PLCB4: variants seen among roughly 807,000 people sequenced by gnomAD.
PLCB4 encodes the protein phospholipase C beta 4.
PLCB4 carries 77 observed loss-of-function variants against 178.8 expected under a neutral mutation model. That is an observed-to-expected ratio of 0.43 (90% CI 0.36 to 0.52). The LOEUF (loss-of-function observed/expected upper bound fraction) is 0.52. Ranked by LOEUF, PLCB4 falls within the 20% of genes least tolerant of loss-of-function variation. The pLI is 0.00. For synonymous variants in PLCB4, 496 were observed against 490.8 expected (o/e 1.01, Z -0.14); for missense variants, 1,024 against 1,453.4 (o/e 0.70, Z 4.80).
intron 2 of PLCB4, among the ~76,000 whole-genome samples, chr20:9,129,818 C>T (rs2092227298): frequency 6.6e-6 from 1 of 152,100 alleles, no homozygotes; most frequent in Non-Finnish European, 1.5e-5. Flanking sequence ...CTTATTCTCC[C>T]AATTTAATTA....
intron 3 of PLCB4, among the ~76,000 whole-genome samples, chr20:9,223,331 T>C (rs368482554): frequency 5.9e-5 from 9 of 152,186 alleles, no homozygotes; most frequent in Non-Finnish European, 1.3e-4. Flanking sequence ...ATATAGTATA[T>C]ACGTTGGGAC....
chr20:9,138,428 T>C (rs558813661), intron 2 of PLCB4, among the ~76,000 whole-genome samples: 5 of 152,208 alleles, frequency 3.3e-5, no homozygotes, highest in African/African-American at 1.2e-4. Flanking sequence ...TTGCTAGATA[T>C]CATATAGCAC....
chr20:9,251,912 C>T (rs975585857), intron 3 of PLCB4, among the ~76,000 whole-genome samples: 4 of 151,804 alleles, frequency 2.6e-5, no homozygotes, highest in African/African-American at 9.7e-5. Context: ...TTATCATTTC[C>T]ACATGTACCC....
At chr20:9,200,284 G>A (rs62194769) in intron 2 of PLCB4, among the ~76,000 whole-genome samples, 3,118 of 152,156 alleles carry the variant, frequency 0.02, 44 homozygotes, top group Non-Finnish European at 0.033. Context: ...TTTCTTACAC[G>A]TCTGAATGCA....
chr20:9,105,491 G>A (rs2091328060), intron 2 of PLCB4, among the ~76,000 whole-genome samples: 1 of 152,002 alleles, frequency 6.6e-6, no homozygotes, highest in African/African-American at 2.4e-5. Context: ...AAGTGCATCT[G>A]GAAGTATGAA....
Position 9,479,335 on chromosome 20 carries a change from T to A in PLCB4, c.*326T>A. The A allele has an allele frequency of 3.8e-6, 1 of 265,212 alleles. No homozygotes were observed. The allele number at this position is 265,212 out of a possible 1,614,324, so 16.4% of individuals were successfully genotyped here. A position where few individuals can be genotyped will look rare whatever the true frequency, so the allele number is the denominator to read the frequency against. ...GTGAACAACTCTCCTTTGTGATGCCTTAGGACATGTTTGAACTGCAGCAAA... is the reference window on the plus strand; with the variant it reads ...GTGAACAACTCTCCTTTGTGATGCCATAGGACATGTTTGAACTGCAGCAAA... On this transcript the variant is annotated 3_prime_UTR_variant, in exon 40 of 40. Transcript: ENST00000378473.
chr20:9,443,921 A>T (rs1469081022), intron 30 of PLCB4, 60 bp from the exon 31 acceptor site: 2 of 925,394 alleles, frequency 2.2e-6, no homozygotes, highest in Non-Finnish European at 3.5e-6. Flanking sequence ...GTTCTATATT[A>T]CCAGTTATTC....
At chr20:9,095,825 C>T (rs1368072837) in intron 1 of PLCB4, among the ~76,000 whole-genome samples, 1 of 152,134 alleles carries the variant, frequency 6.6e-6, no homozygotes, top group Non-Finnish European at 1.5e-5. Context: ...GGTAGCAGCT[C>T]ATAGTTCTCT....
chr20:9,293,628 T>TTCATTCAC, intron 3 of PLCB4, among the ~76,000 whole-genome samples: 1 of 141,202 alleles, frequency 7.1e-6, no homozygotes, highest in South Asian at 2.1e-4. Flanking sequence ...AAAATATTCA[T>TTCATTCAC]TCATTCATTC....
intron 2 of PLCB4, among the ~76,000 whole-genome samples, chr20:9,121,710 C>T (rs2091967522): frequency 6.6e-6 from 1 of 152,122 alleles, no homozygotes; most frequent in Non-Finnish European, 1.5e-5. Context: ...GAACTGTATT[C>T]ATTTCATTCA....
chr20:9,399,417 T>C (rs937413342), intron 19 of PLCB4, among the ~76,000 whole-genome samples: 2 of 152,238 alleles, frequency 1.3e-5, no homozygotes, highest in African/African-American at 4.8e-5. Flanking sequence ...ATGAATCTAC[T>C]ATCTATGTGT....
chr20:9,391,400 G>A (rs2038130315), intron 17 of PLCB4, among the ~76,000 whole-genome samples: 2 of 152,144 alleles, frequency 1.3e-5, no homozygotes, highest in Admixed American at 1.3e-4. Flanking sequence ...AATCAAAGTG[G>A]AAAGACCTGC....
Position 9,457,502 on chromosome 20 carries a change from C to T in PLCB4, c.3072+13C>T, listed in dbSNP as rs2043128704. 1.6e-6 allele frequency: 2 copies of T among 1,258,966 alleles called. No homozygotes were observed. Among genetic ancestry groups the T allele is most frequent in the East Asian group, 2.3e-5 (1 of 43,264 alleles). 78.0% of individuals were successfully genotyped at this position (1,258,966 alleles called of 1,614,324 possible). On this transcript the variant is annotated intron_variant, in intron 34 of 39. Transcript: ENST00000378473. ...TCACAAATCTAAGGTAAGAAAATGC[C>T]CATTTTTACAGCAGTGACTTGCAGA...
intron 28 of PLCB4, among the ~76,000 whole-genome samples, chr20:9,428,272 GTTGCAT>G (rs1229199260): frequency 3.9e-5 from 6 of 152,176 alleles, no homozygotes; most frequent in Non-Finnish European, 8.8e-5. Context: ...GAAAAACCCA[GTTGCAT>G]ATTCACAGTG....
chr20:9,336,357 A>T (rs571841650), intron 4 of PLCB4, among the ~76,000 whole-genome samples: 10 of 152,336 alleles, frequency 6.6e-5, no homozygotes, highest in African/African-American at 2.4e-4. Context: ...CAAGTGTAAC[A>T]CAGATGCTCT....
At chr20:9,345,547 A>G (rs2033713619) in intron 7 of PLCB4, among the ~76,000 whole-genome samples, 1 of 152,246 alleles carries the variant, frequency 6.6e-6, no homozygotes, top group African/African-American at 2.4e-5. Context: ...TGCAGGCCTC[A>G]TTCAACATCT....
At chr20:9,111,694 T>G (rs1018810300) in intron 2 of PLCB4, among the ~76,000 whole-genome samples, 5 of 152,324 alleles carry the variant, frequency 3.3e-5, no homozygotes, top group Middle Eastern at 3.4e-3. Flanking sequence ...TAGACTTCTT[T>G]TAACACAAAT....
At chr20:9,084,018 GAAAC>G (rs1393905973) in intron 1 of PLCB4, among the ~76,000 whole-genome samples, 1 of 152,220 alleles carries the variant, frequency 6.6e-6, no homozygotes, top group Non-Finnish European at 1.5e-5. Context: ...TTGTGATACA[GAAAC>G]AAAGTATTAC....
At chr20:9,321,594 C>G (rs1344309723) in intron 4 of PLCB4, among the ~76,000 whole-genome samples, 1 of 152,030 alleles carries the variant, frequency 6.6e-6, no homozygotes, top group Non-Finnish European at 1.5e-5. Flanking sequence ...CCCCCACATT[C>G]CCCAAGGAAA....
Sources: allele counts gnomAD v4.1 joint callset (sites outside exome capture counted in the v4.1 genomes callset), GRCh38; gene constraint gnomAD v4.1.1; transcripts MANE v1.5; gene names NCBI Gene and HGNC (gene_info 2026-07-23, HGNC 2026-07-21).